The following PKNOX1 variants were observed in gnomAD, a reference collection of about 807,000 sequenced individuals.
PKNOX1 encodes the protein PBX/knotted 1 homeobox 1.
Under a neutral mutation model 51.9 loss-of-function variants are expected in PKNOX1, and 15 were observed. That is an observed-to-expected ratio of 0.29 (90% CI 0.19 to 0.45). The LOEUF (loss-of-function observed/expected upper bound fraction) is 0.45. PKNOX1 is among the 20% of genes least tolerant of loss of function. PKNOX1 has a pLI of 1.00. For synonymous variants in PKNOX1, 219 were observed against 211.1 expected (o/e 1.04, Z -0.32); for missense variants, 462 against 547.5 (o/e 0.84, Z 1.56).
At chr21:42,993,724 TCTTTTTTTTTC>T (rs1440691168) in intron 1 of PKNOX1, among the ~76,000 whole-genome samples, 2 of 4,594 alleles carry the variant, frequency 4.4e-4, no homozygotes, top group Non-Finnish European at 7.4e-4. Flanking sequence ...ATTCGTTAAC[TCTTTTTTTTTC>T]TTTTTTTTTT....
At chr21:43,001,459 C>T (rs1181195938) in intron 1 of PKNOX1, among the ~76,000 whole-genome samples, 3 of 152,124 alleles carry the variant, frequency 2.0e-5, no homozygotes, top group Middle Eastern at 3.2e-3. Context: ...CTGTCCTTGC[C>T]GTGGCTGGCA....
intron 1 of PKNOX1, among the ~76,000 whole-genome samples, chr21:42,993,521 C>CTT (rs34451305): frequency 2.8e-5 from 4 of 142,426 alleles, no homozygotes; most frequent in Non-Finnish European, 6.2e-5. Context: ...AATTCTAAAA[C>CTT]TTTTTTTTTT....
chr21:43,029,862 A>G, intron 10 of PKNOX1, 28 bp from the exon 11 acceptor site: 1 of 1,593,116 alleles, frequency 6.3e-7, no homozygotes, highest in Non-Finnish European at 8.6e-7. Context: ...ACTAATTTAA[A>G]TAATGACACA....
In PKNOX1 at chr21:43,031,470, T is replaced by C. The variant is rs1232459976; in HGVS notation, c.*1369T>C. On this transcript the variant is annotated 3_prime_UTR_variant, in exon 11 of 11. Coordinates refer to ENST00000291547, the MANE Select transcript of PKNOX1 (RefSeq NM_004571.5). ...TTGGAATAACTGTAGGACTTCTGTT[T>C]CCTGGTAACAAGATGAACCGAGAGA... 6.6e-6 allele frequency: 1 copy of C among 152,290 alleles called. No individual in the cohort carries two copies. The highest frequency in any genetic ancestry group is 1.5e-5 in the Non-Finnish European group (1 of 68,060). 9.4% of individuals were successfully genotyped at this position (152,290 alleles called of 1,614,324 possible). A position where few individuals can be genotyped will look rare whatever the true frequency, so the allele number is the denominator to read the frequency against.
At chr21:42,989,708 C>T (rs1216338530) in intron 1 of PKNOX1, among the ~76,000 whole-genome samples, 4 of 152,102 alleles carry the variant, frequency 2.6e-5, no homozygotes, top group South Asian at 2.1e-4. Context: ...CGTGAGCCAC[C>T]GCCCCCAGCC....
At chr21:42,983,110 T>A (rs201494581) in intron 1 of PKNOX1, among the ~76,000 whole-genome samples, 1 of 1,934 alleles carries the variant, frequency 5.2e-4, no homozygotes, top group African/African-American at 2.5e-3. Flanking sequence ...GTGGCTGGCC[T>A]TTTTTTTCCA....
At chr21:42,981,547 A>C (rs1185978097) in intron 1 of PKNOX1, among the ~76,000 whole-genome samples, 1 of 151,276 alleles carries the variant, frequency 6.6e-6, no homozygotes, top group Non-Finnish European at 1.5e-5. Context: ...TTTATTATTT[A>C]TTTTATTTAA....
chr21:42,976,022 A>C (rs1224891787), intron 1 of PKNOX1, among the ~76,000 whole-genome samples: 1 of 152,200 alleles, frequency 6.6e-6, no homozygotes, highest in Non-Finnish European at 1.5e-5. Context: ...TGGCAGGCTG[A>C]CCCCAATGAG....
chr21:42,976,170 A>G (rs1407247772), intron 1 of PKNOX1, among the ~76,000 whole-genome samples: 2 of 152,204 alleles, frequency 1.3e-5, no homozygotes, highest in African/African-American at 4.8e-5. Context: ...GTGACGCAAC[A>G]GTTTTAGGTT....
chr21:42,987,728 C>T (rs567583604), intron 1 of PKNOX1, among the ~76,000 whole-genome samples: 5 of 151,024 alleles, frequency 3.3e-5, no homozygotes, highest in Non-Finnish European at 5.9e-5. Context: ...ACGCCATTCT[C>T]CTGCCTCAGC....
At position 43,030,343 on chromosome 21, in the gene PKNOX1, G is replaced by A. The variant is rs1278723743; in HGVS notation, c.*242G>A. ...TAAAGAAATTCTTTAAAGGTTTAAC[G>A]CTAGATTGTGAGGAATGACACACCA... On this transcript the variant is annotated 3_prime_UTR_variant, in exon 11 of 11. Coordinates refer to ENST00000291547, the MANE Select transcript of PKNOX1 (RefSeq NM_004571.5). The A allele has an allele frequency of 2.0e-5, 7 of 345,560 alleles. No homozygotes were observed. Among genetic ancestry groups the A allele is most frequent in the African/African-American group, 6.3e-5 (3 of 47,726 alleles). The allele number at this position is 345,560 out of a possible 1,614,324, so 21.4% of individuals were successfully genotyped here. A position where few individuals can be genotyped will look rare whatever the true frequency, so the allele number is the denominator to read the frequency against.
chr21:43,014,659 G>A (rs1979407784), intron 5 of PKNOX1, among the ~76,000 whole-genome samples: 2 of 152,148 alleles, frequency 1.3e-5, no homozygotes, highest in African/African-American at 4.8e-5. Flanking sequence ...ATGTTGCCCA[G>A]GCTTGTCCCA....
chr21:43,023,953 C>T (rs566947550), intron 8 of PKNOX1, among the ~76,000 whole-genome samples: 4 of 150,912 alleles, frequency 2.7e-5, no homozygotes, highest in Non-Finnish European at 4.4e-5. Context: ...AGGCTGGTCT[C>T]GAACTCCTGA....
intron 1 of PKNOX1, among the ~76,000 whole-genome samples, chr21:42,995,219 G>C (rs1978446604): frequency 6.6e-6 from 1 of 152,076 alleles, no homozygotes; most frequent in African/African-American, 2.4e-5. Flanking sequence ...ACCACACCTG[G>C]CCGTTTACTT....
chr21:42,981,180 G>A (rs1568886092), intron 1 of PKNOX1, among the ~76,000 whole-genome samples: 1 of 152,196 alleles, frequency 6.6e-6, no homozygotes, highest in South Asian at 2.1e-4. Context: ...CATGTAGAGT[G>A]GACATATCAC....
At chr21:42,999,463 C>G (rs546201142) in intron 1 of PKNOX1, among the ~76,000 whole-genome samples, 8 of 151,316 alleles carry the variant, frequency 5.3e-5, no homozygotes, top group African/African-American at 2.0e-4. Context: ...AATTTCTCCT[C>G]AGGAAATGGG....
chr21:43,012,460 T>C (rs1211390382), intron 4 of PKNOX1, among the ~76,000 whole-genome samples: 1 of 152,206 alleles, frequency 6.6e-6, no homozygotes, highest in Non-Finnish European at 1.5e-5. Context: ...CTCAGGAGGC[T>C]GAGGCAGGAG....
In PKNOX1 at chr21:43,013,205, G is replaced by T. The variant is rs760293741; in HGVS notation, c.489G>T (p.Glu163Asp). 1 of 1,613,622 alleles carries T rather than the reference G, an allele frequency of 6.2e-7. No individual in the cohort carries two copies. The highest frequency in any genetic ancestry group is 2.2e-5 in the East Asian group (1 of 44,854). ...KMNSETLLSG[E>D]PGSPYSPVQS... ...ACAGTGAAACTCTGTTGAGTGGAGA[G>T]CCTGGAAGCCCGTACTCACCAGTGC... is the stretch of plus-strand genomic sequence containing the variant. Residue 163 changes from glutamate to aspartate, a missense_variant, in exon 5 of 11, where the codon GAG becomes GAT. By Grantham distance (45) the Glu-to-Asp change is conservative (BLOSUM62 2). Coordinates refer to ENST00000291547, the MANE Select transcript of PKNOX1 (RefSeq NM_004571.5).
chr21:43,024,855 C>CT lies in PKNOX1; in HGVS notation c.850-9dup. 6.3e-6 allele frequency: 10 copies of CT among 1,580,006 alleles called. No homozygotes were observed. Among genetic ancestry groups the CT allele is most frequent in the South Asian group, 1.1e-5 (1 of 89,882 alleles). Reference sequence around the variant, plus strand: ...TAAACTCGAAGGCCATGGTAACCTTCTTTTTTTATTTTCAGCATCCCTACC... The same window carrying CT: ...TAAACTCGAAGGCCATGGTAACCTTCTTTTTTTTATTTTCAGCATCCCTACC... On this transcript the variant is annotated splice_polypyrimidine_tract_variant and intron_variant, in intron 8 of 10. Transcript: ENST00000291547.
Sources: allele counts gnomAD v4.1 joint callset (sites outside exome capture counted in the v4.1 genomes callset), GRCh38; gene constraint gnomAD v4.1.1; transcripts MANE v1.5; gene names NCBI Gene and HGNC (gene_info 2026-07-23, HGNC 2026-07-21).